The following LPCAT2 variants were observed in gnomAD, a reference collection of about 807,000 sequenced individuals.
LPCAT2 encodes the protein lysophosphatidylcholine acyltransferase 2.
LPCAT2 carries 58 observed loss-of-function variants against 64.7 expected under a neutral mutation model. That is an observed-to-expected ratio of 0.90 (90% CI 0.73 to 1.12). The LOEUF (loss-of-function observed/expected upper bound fraction) is 1.12. Ranked by LOEUF, LPCAT2 falls within the 50% of genes most tolerant of loss-of-function variation. The probability of loss-of-function intolerance (pLI) is 0.00; values close to 1 mark genes in which losing one functional copy is unlikely to be tolerated. For missense variants in LPCAT2, 579 were observed against 669.8 expected (o/e 0.86, Z 1.50); for synonymous variants, 252 against 245.3 (o/e 1.03, Z -0.26).
chr16:55,531,699 A>C (rs895654986), intron 4 of LPCAT2, among the ~76,000 whole-genome samples: 1 of 152,194 alleles, frequency 6.6e-6, no homozygotes, highest in Admixed American at 6.5e-5. Flanking sequence ...TCTTTATTCA[A>C]AGCTTAAATC....
intron 11 of LPCAT2, among the ~76,000 whole-genome samples, chr16:55,552,163 T>A (rs1567401138): frequency 6.6e-6 from 1 of 152,332 alleles, no homozygotes; most frequent in East Asian, 1.9e-4. Context: ...TAGTTTATCT[T>A]TTTCCAGATG....
At chr16:55,510,776 T>C (rs911844536) in intron 1 of LPCAT2, among the ~76,000 whole-genome samples, 14 of 152,220 alleles carry the variant, frequency 9.2e-5, no homozygotes, top group Non-Finnish European at 1.8e-4. Context: ...TTCTGAAACA[T>C]TTGTAAATAC....
chr16:55,549,227 C>CTTT (rs143728020), intron 9 of LPCAT2, 50 bp from the exon 10 acceptor site: 30,310 of 1,336,388 alleles, frequency 0.023, 374 homozygotes, highest in African/African-American at 0.094. Flanking sequence ...AATATGATTA[C>CTTT]TTTTTTTTTT....
chr16:55,569,703 TAA>T (rs1341592263), intron 11 of LPCAT2, among the ~76,000 whole-genome samples: 3 of 152,318 alleles, frequency 2.0e-5, no homozygotes, highest in Non-Finnish European at 4.4e-5. Context: ...TGAAATTACC[TAA>T]GTTTCTCTCC....
intron 11 of LPCAT2, among the ~76,000 whole-genome samples, chr16:55,561,287 T>C (rs1963632796): frequency 6.6e-6 from 1 of 152,004 alleles, no homozygotes; most frequent in African/African-American, 2.4e-5. Flanking sequence ...TTGTGTCTCA[T>C]TGTGTACTTT....
intron 1 of LPCAT2, among the ~76,000 whole-genome samples, chr16:55,522,713 T>G (rs912516629): frequency 2.0e-5 from 3 of 151,666 alleles, no homozygotes; most frequent in Non-Finnish European, 3.0e-5. Flanking sequence ...GAAAATTCAT[T>G]GAGAAATGTC....
chr16:55,553,207 C>T (rs1474853423), intron 11 of LPCAT2, among the ~76,000 whole-genome samples: 1 of 151,888 alleles, frequency 6.6e-6, no homozygotes, highest in Non-Finnish European at 1.5e-5. Flanking sequence ...CATTGCACTC[C>T]AGCTGGGCAA....
chr16:55,519,266 C>T (rs540000685), intron 1 of LPCAT2, among the ~76,000 whole-genome samples: 77 of 151,618 alleles, frequency 5.1e-4, no homozygotes, highest in African/African-American at 1.3e-3. Flanking sequence ...TTTGGGAGGC[C>T]GAGGTGGGCG....
At position 55,534,488 on chromosome 16, in the gene LPCAT2, TA is replaced by T; in HGVS notation, c.797+12del. On this transcript the variant is annotated intron_variant, in intron 7 of 13. Transcript: ENST00000262134. ...GCAAGGATATACATTGTAAGTCACT[TA>T]TGTCTATTATTAGTTTATATAAATT... 1 of 1,338,010 alleles carries T rather than the reference TA, an allele frequency of 7.5e-7. No homozygotes were observed. Among genetic ancestry groups the T allele is most frequent in the Non-Finnish European group, 1.0e-6 (1 of 966,220 alleles). 82.9% of individuals were successfully genotyped at this position (1,338,010 alleles called of 1,614,324 possible).
At chr16:55,561,296 T>C (rs1246083948) in intron 11 of LPCAT2, among the ~76,000 whole-genome samples, 2 of 151,998 alleles carry the variant, frequency 1.3e-5, no homozygotes, top group Non-Finnish European at 2.9e-5. Flanking sequence ...ATTGTGTACT[T>C]TTTAAGTCTA....
intron 11 of LPCAT2, among the ~76,000 whole-genome samples, chr16:55,571,073 C>G (rs1290980843): frequency 3.3e-5 from 5 of 152,006 alleles, no homozygotes; most frequent in African/African-American, 1.2e-4. Flanking sequence ...AAAAATAGTC[C>G]CTCTTCTTGG....
chr16:55,552,252 G>A (rs2142400861), intron 11 of LPCAT2, among the ~76,000 whole-genome samples: 1 of 152,166 alleles, frequency 6.6e-6, no homozygotes, highest in East Asian at 1.9e-4. Context: ...TGAGATCCAG[G>A]CATGGTGTTT....
chr16:55,583,313 C>T lies in LPCAT2; in HGVS notation c.*215C>T, dbSNP rs1963908348. 2 of 447,090 alleles carry T rather than the reference C, an allele frequency of 4.5e-6. No homozygotes were observed. Among genetic ancestry groups the T allele is most frequent in the African/African-American group, 3.9e-5 (2 of 51,352 alleles). 27.7% of individuals were successfully genotyped at this position (447,090 alleles called of 1,614,324 possible). A position where few individuals can be genotyped will look rare whatever the true frequency, so the allele number is the denominator to read the frequency against. Reference sequence around the variant, plus strand: ...TCGTTTTCTTTTGTGTTATATTGTACTTTACTGATTCATTTACTGGTGATA... The same window carrying T: ...TCGTTTTCTTTTGTGTTATATTGTATTTTACTGATTCATTTACTGGTGATA... On this transcript the variant is annotated 3_prime_UTR_variant, in exon 14 of 14. Coordinates refer to ENST00000262134, the MANE Select transcript of LPCAT2 (RefSeq NM_017839.5).
chr16:55,549,144 G>A (rs552390392), intron 9 of LPCAT2, 133 bp from the exon 10 acceptor site: 146 of 615,114 alleles, frequency 2.4e-4, no homozygotes, highest in Non-Finnish European at 3.7e-4. Context: ...CAAGAAAAGC[G>A]AGAGTTACTG....
intron 13 of LPCAT2, among the ~76,000 whole-genome samples, chr16:55,582,328 CT>C (rs1284916667): frequency 6.6e-6 from 1 of 152,136 alleles, no homozygotes; most frequent in Non-Finnish European, 1.5e-5. Context: ...CTTTATTTTA[CT>C]TTAACAGTTC....
chr16:55,562,741 C>T (rs922516745), intron 11 of LPCAT2, among the ~76,000 whole-genome samples: 10 of 151,700 alleles, frequency 6.6e-5, no homozygotes, highest in Non-Finnish European at 1.2e-4. Context: ...TAAGCAAGGG[C>T]GATATTATTA....
chr16:55,513,590 C>G (rs1264571707), intron 1 of LPCAT2, among the ~76,000 whole-genome samples: 1 of 152,032 alleles, frequency 6.6e-6, no homozygotes, highest in Non-Finnish European at 1.5e-5. Flanking sequence ...ATCCAAGGAG[C>G]ATTTATTTAA....
At chr16:55,579,880 T>C (rs1013631859) in intron 13 of LPCAT2, among the ~76,000 whole-genome samples, 1 of 152,122 alleles carries the variant, frequency 6.6e-6, no homozygotes, top group East Asian at 1.9e-4. Context: ...AAGTGGCAGG[T>C]CTATCCATCA....
At chr16:55,572,839 A>T (rs1425259614) in intron 11 of LPCAT2, among the ~76,000 whole-genome samples, 1 of 152,230 alleles carries the variant, frequency 6.6e-6, no homozygotes, top group East Asian at 1.9e-4. Context: ...TCTTTAAAAA[A>T]ACCAAAGACC....
Sources: gnomAD v4.1 joint callset for allele counts (sites outside exome capture counted in the v4.1 genomes callset) on GRCh38, gnomAD v4.1.1 for gene constraint, MANE v1.5 for transcripts, NCBI Gene and HGNC (gene_info 2026-07-23, HGNC 2026-07-21) for gene names.